SLC13A3: variants seen among roughly 807,000 people sequenced by gnomAD.
SLC13A3 encodes the protein Na(+)/dicarboxylate cotransporter 3.
A neutral mutation model predicts 59.0 loss-of-function variants in SLC13A3; 40 were observed. The ratio of observed to expected loss-of-function variants is 0.68; its 90% CI spans 0.53 to 0.88. The LOEUF is 0.88. SLC13A3 is among the 40% of genes least tolerant of loss of function. SLC13A3 has a pLI of 0.00. For synonymous variants in SLC13A3, 317 were observed against 330.3 expected, an observed-to-expected ratio of 0.96 and a Z score of 0.44; for missense variants, 699 against 783.2, an observed-to-expected ratio of 0.89 and a Z score of 1.28.
intron 1 of SLC13A3, among the ~76,000 whole-genome samples, chr20:46,650,164 C>T (rs1051084066): frequency 6.6e-6 from 1 of 152,190 alleles, no homozygotes; most frequent in Non-Finnish European, 1.5e-5. Context: ...GTACCATCTC[C>T]TTCCAGCCCC....
chr20:46,595,274 T>A (rs1476891295), intron 5 of SLC13A3, among the ~76,000 whole-genome samples: 1 of 152,262 alleles, frequency 6.6e-6, no homozygotes, highest in Non-Finnish European at 1.5e-5. Context: ...TTTAGAATAA[T>A]GGGAGCGGCA....
chr20:46,614,054 A>G (rs1036818917), intron 1 of SLC13A3, among the ~76,000 whole-genome samples: 2 of 152,244 alleles, frequency 1.3e-5, no homozygotes, highest in Non-Finnish European at 2.9e-5. Context: ...GAGAATGAAA[A>G]TAGTTTACTT....
At position 46,589,323 on chromosome 20, in the gene SLC13A3, C is replaced by T. The variant is rs761678374; in HGVS notation, c.921-68G>A. Reference sequence around the variant, plus strand: ...TAACTAACTTCTCACCTACAACAAGCACCACCACCTGACCAAGCCACATCC... The same window carrying T: ...TAACTAACTTCTCACCTACAACAAGTACCACCACCTGACCAAGCCACATCC... On this transcript the variant is annotated intron_variant, in intron 6 of 12. Transcript: ENST00000279027. 67 of 1,335,364 alleles carry T rather than the reference C, an allele frequency of 5.0e-5. 1 individual carries two copies. The South Asian group carries it at 6.9e-4, about 14-fold the overall frequency. 82.7% of individuals were successfully genotyped at this position (1,335,364 alleles called of 1,614,324 possible). A position where few individuals can be genotyped will look rare whatever the true frequency, so the allele number is the denominator to read the frequency against.
intron 1 of SLC13A3, among the ~76,000 whole-genome samples, chr20:46,639,150 A>T (rs1309177876): frequency 2.0e-5 from 3 of 150,306 alleles, no homozygotes; most frequent in African/African-American, 7.4e-5. Flanking sequence ...TTGGTTAAAA[A>T]GCCAGGACTG....
intron 1 of SLC13A3, 169 bp from the exon 2 acceptor site, chr20:46,613,894 G>C: frequency 3.4e-6 from 2 of 587,334 alleles, no homozygotes; most frequent in Non-Finnish European, 6.0e-6. Flanking sequence ...AGTGGAGCAG[G>C]TGTGTGCCTA....
chr20:46,642,947 C>T (rs2122859832), intron 1 of SLC13A3, among the ~76,000 whole-genome samples: 1 of 152,344 alleles, frequency 6.6e-6, no homozygotes, highest in African/African-American at 2.4e-5. Flanking sequence ...CTCCTGTCTG[C>T]ACGTGGGCTC....
At chr20:46,674,593 G>A (rs897094747), upstream of SLC13A3, among the ~76,000 whole-genome samples, 1,730 of 79,436 alleles carry the variant, frequency 0.022, 36 homozygotes, top group African/African-American at 0.067. Flanking sequence ...GGGAGTGCGC[G>A]CGCGCGCGCG....
chr20:46,607,717 T>C (rs183303902), intron 3 of SLC13A3, among the ~76,000 whole-genome samples: 15 of 152,282 alleles, frequency 9.9e-5, no homozygotes, highest in African/African-American at 3.6e-4. Flanking sequence ...GCTTGACCAC[T>C]TTGGAAAAAG....
intron 1 of SLC13A3, among the ~76,000 whole-genome samples, chr20:46,649,881 G>A (rs2062935762): frequency 6.6e-6 from 1 of 152,104 alleles, no homozygotes; most frequent in Non-Finnish European, 1.5e-5. Context: ...GGTCTCCTTG[G>A]AACCACTGGT....
rs541384406 is a variant in SLC13A3, at chr20:46,650,216, C to T, written c.111+1095G>A. On this transcript the variant is annotated intron_variant, in intron 1 of 12. Transcript: ENST00000279027. Reference sequence around the variant, plus strand: ...AGTTATGACTCCTGAACTCCACCTGCGGCCTTTGATCTTACAGGGGTTACT... The same window carrying T: ...AGTTATGACTCCTGAACTCCACCTGTGGCCTTTGATCTTACAGGGGTTACT... Among the ~76,000 whole-genome samples the T allele has an allele frequency of 5.3e-5, 8 of 152,154 alleles. No homozygotes were observed. In the South Asian group the frequency reaches 1.7e-3, roughly 32 times the overall value.
At chr20:46,585,630 C>T in intron 8 of SLC13A3, 1 of 1,267,614 alleles carries the variant, frequency 7.9e-7, no homozygotes, top group African/African-American at 1.6e-5. Context: ...GAACAGTTCT[C>T]AGATAGGCAT....
At chr20:46,621,170 T>G (rs538214535) in intron 1 of SLC13A3, among the ~76,000 whole-genome samples, 1 of 152,324 alleles carries the variant, frequency 6.6e-6, no homozygotes, top group African/African-American at 2.4e-5. Context: ...GCCAAAGCTT[T>G]AGCAGAAAAA....
At chr20:46,588,200 G>C in intron 7 of SLC13A3, 37 bp from the exon 8 acceptor site, 1 of 1,356,434 alleles carries the variant, frequency 7.4e-7, no homozygotes, top group Non-Finnish European at 1.0e-6. Flanking sequence ...GGTGACCCCG[G>C]GTTTCAGGCA....
At chr20:46,656,225 G>A (rs1316521351), upstream of SLC13A3, among the ~76,000 whole-genome samples, 2 of 141,258 alleles carry the variant, frequency 1.4e-5, no homozygotes, top group Non-Finnish European at 3.1e-5. Flanking sequence ...TGTATGTGAT[G>A]TAGACTGTAC....
chr20:46,657,365 A>T (rs1358612167), intron 1 of SLC13A3, among the ~76,000 whole-genome samples: 1 of 151,252 alleles, frequency 6.6e-6, no homozygotes, highest in Non-Finnish European at 1.5e-5. Context: ...AGAGTGCGAA[A>T]ATGTCTCAAA....
At chr20:46,585,686 T>C (rs1310672130) in intron 8 of SLC13A3, 1 of 1,296,996 alleles carries the variant, frequency 7.7e-7, no homozygotes, top group East Asian at 5.6e-5. Flanking sequence ...GAGACTGAGA[T>C]TTAGCTGATC....
intron 11 of SLC13A3, 23 bp from the exon 12 acceptor site, chr20:46,563,574 A>G: frequency 2.5e-6 from 4 of 1,610,954 alleles, no homozygotes; most frequent in Non-Finnish European, 3.4e-6. Context: ...AAGGTGGGAG[A>G]GACCCGGAGA....
chr20:46,582,838 G>A (rs190228098), intron 9 of SLC13A3: 32 of 985,394 alleles, frequency 3.2e-5, no homozygotes, highest in African/African-American at 1.2e-4. Context: ...AGGTGTTGGC[G>A]TCACCTTCTG....
intron 3 of SLC13A3, among the ~76,000 whole-genome samples, chr20:46,607,802 A>G (rs567135991): frequency 1.3e-5 from 2 of 152,338 alleles, no homozygotes; most frequent in African/African-American, 4.8e-5. Context: ...TCAAAATACC[A>G]GAGCCACAGT....
Sources: allele counts gnomAD v4.1 joint callset (sites outside exome capture counted in the v4.1 genomes callset), GRCh38; gene constraint gnomAD v4.1.1; transcripts MANE v1.5; gene names NCBI Gene and HGNC (gene_info 2026-07-23, HGNC 2026-07-21).